The following MYOM3 variants were observed in gnomAD, a reference collection of about 807,000 sequenced individuals.
The protein encoded by MYOM3 is myomesin 3, also known as myomesin-3.
In MYOM3, 155 loss-of-function variants were observed where a neutral mutation model predicts 191.7. That is an observed-to-expected ratio of 0.81 (90% CI 0.71 to 0.92). The LOEUF is 0.92. MYOM3 is among the 40% of genes least tolerant of loss of function. The pLI is 0.00. For missense variants in MYOM3, 1,889 were observed against 1,890.6 expected (o/e 1.00, Z 0.02); for synonymous variants, 757 against 762.9 (o/e 0.99, Z 0.13).
intron 15 of MYOM3, 105 bp from the exon 16 acceptor site, chr1:24,084,744 C>G (rs1421312893): frequency 2.9e-6 from 3 of 1,039,268 alleles, no homozygotes; most frequent in African/African-American, 3.2e-5. Context: ...GCTCCCACAG[C>G]AATCAAGGTG....
chr1:24,067,230 G>A (rs1643448282), intron 27 of MYOM3, 142 bp from the exon 28 acceptor site: 2 of 693,758 alleles, frequency 2.9e-6, no homozygotes, highest in Admixed American at 2.7e-5. Context: ...CTGGGACTGG[G>A]GTGAGGCAGG....
rs1570861324 is a variant in MYOM3 at position 24,072,536 on chromosome 1, G to GT, written c.2969-524dup. ...TGCTGACCGTTTCTTCTTCTTGTTC[G>GT]TTTTTTCTTTTTTTTGAGACAGAGT... On this transcript the variant is annotated intron_variant, in intron 23 of 36. Coordinates refer to ENST00000374434, the MANE Select transcript of MYOM3 (RefSeq NM_152372.4). Among the ~76,000 whole-genome samples the GT allele has an allele frequency of 3.9e-5, 6 of 151,926 alleles. No homozygotes were observed. The East Asian group carries it at 9.7e-4, about 25-fold the overall frequency.
At chr1:24,103,956 AT>A (rs1034876924) in intron 5 of MYOM3, among the ~76,000 whole-genome samples, 1 of 152,090 alleles carries the variant, frequency 6.6e-6, no homozygotes, top group Non-Finnish European at 1.5e-5. Flanking sequence ...TGATTCTTTA[AT>A]TATCCCACAG....
intron 21 of MYOM3, 48 bp from the exon 22 acceptor site, chr1:24,075,523 A>C: frequency 6.7e-7 from 1 of 1,500,616 alleles, no homozygotes; most frequent in Admixed American, 2.3e-5. Context: ...TGCATAATAA[A>C]CCAGGTCACA....
At position 24,092,972 on chromosome 1, in the gene MYOM3, T is replaced by C. The variant is rs752125642; in HGVS notation, c.1065A>G (p.Glu355=). 1.2e-6 allele frequency: 2 copies of C among 1,601,958 alleles called. No homozygotes were observed. Among genetic ancestry groups the C allele is most frequent in the Admixed American group, 3.5e-5 (2 of 57,616 alleles). The change falls in exon 10 of 37, where the codon GAA becomes GAG. Residue 355 remains glutamate (E), a synonymous_variant. Coordinates refer to ENST00000374434, the MANE Select transcript of MYOM3 (RefSeq NM_152372.4). ...CTCTCACAAGCACGTAGGTGCTCTG[T>C]TCCCGGGGTCCGAAGGGCGAGGGCA... ...VRVPSPFGPR[E]QSTYVLVRDA...
intron 35 of MYOM3, 62 bp from the exon 36 acceptor site, chr1:24,059,041 T>G: frequency 8.3e-7 from 1 of 1,206,708 alleles, no homozygotes; most frequent in Non-Finnish European, 1.2e-6. Flanking sequence ...TCCCAGAAGT[T>G]TCATAGAGTT....
Position 24,072,160 on chromosome 1 carries a change from T to C in MYOM3, c.2969-147A>G, listed in dbSNP as rs1643540074. 1.6e-5 allele frequency: 12 copies of C among 755,888 alleles called. 1 individual carries two copies. Among genetic ancestry groups the C allele is most frequent in the South Asian group, 4.6e-5 (3 of 65,190 alleles). 46.8% of individuals were successfully genotyped at this position (755,888 alleles called of 1,614,324 possible). The stretch of plus-strand genomic sequence containing the variant: ...CCGACCTTGGGGTTCCTTGGCTCCA[T>C]AGGGGCCATGATGAGTACTGTGAGC... On this transcript the variant is annotated intron_variant, in intron 23 of 36. Transcript: ENST00000374434.
chr1:24,098,611 C>T (rs146375374), intron 6 of MYOM3, among the ~76,000 whole-genome samples: 2 of 152,328 alleles, frequency 1.3e-5, no homozygotes, highest in African/African-American at 4.8e-5. Flanking sequence ...CATTAGCAAG[C>T]AGAGGCCCCT....
At chr1:24,110,416 G>T (rs1413434793) in intron 1 of MYOM3, among the ~76,000 whole-genome samples, 1 of 152,062 alleles carries the variant, frequency 6.6e-6, no homozygotes, top group African/African-American at 2.4e-5. Flanking sequence ...GCCTGGATGT[G>T]AACACAGCAC....
At chr1:24,061,142 CAGGTGGAGGTGAGGGGTGATGAAGGAA>C (rs1157456840) in intron 34 of MYOM3, 60 bp from the exon 35 acceptor site, 11 of 1,611,322 alleles carry the variant, frequency 6.8e-6, no homozygotes, top group Non-Finnish European at 9.3e-6. Context: ...CAGTCCAGCC[CAGGTGGAGGTGAGGGGTGATGAAGGAA>C]AGGTGGAGCT....
intron 21 of MYOM3, 77 bp from the exon 22 acceptor site, chr1:24,075,552 C>T: frequency 7.0e-7 from 1 of 1,419,734 alleles, no homozygotes; most frequent in Non-Finnish European, 9.4e-7. Context: ...CTGCTTAAAC[C>T]TCCAGGGCCT....
rs1643398636 is a variant in MYOM3 at position 24,063,555 on chromosome 1, T to G, written c.3623-25A>C. The stretch of plus-strand genomic sequence containing the variant: ...GCTGGCGGGAAACAGAGAGAAGGGT[T>G]AGCTGGCATAGGGCTCCCCTAGGGA... On this transcript the variant is annotated intron_variant, in intron 30 of 36. Transcript: ENST00000374434. The surrounding 1 kb of genome is among the most constrained non-coding windows in gnomAD (Gnocchi z 4.5). The G allele has an allele frequency of 6.2e-7, 1 of 1,613,920 alleles. No homozygotes were observed. Among genetic ancestry groups the G allele is most frequent in the African/African-American group, 1.3e-5 (1 of 74,990 alleles).
chr1:24,061,245 C>A (rs773683841), intron 34 of MYOM3, 28 bp downstream of exon 34: 2 of 1,613,852 alleles, frequency 1.2e-6, no homozygotes, highest in South Asian at 1.1e-5. Flanking sequence ...GCCTATAATT[C>A]ACACTGAGAA....
chr1:24,083,752 G>C (rs4649179), intron 16 of MYOM3: 61,629 of 152,194 alleles, frequency 0.4, 12,782 homozygotes, highest in East Asian at 0.43. Flanking sequence ...TATCCATGGA[G>C]TCCTGCAAAT....
intron 20 of MYOM3, among the ~76,000 whole-genome samples, chr1:24,077,734 G>C (rs1643619253): frequency 6.6e-6 from 1 of 152,226 alleles, no homozygotes; most frequent in South Asian, 2.1e-4. Context: ...CAGGTGTGAA[G>C]AAATGTTTAG....
chr1:24,093,473 T>G (rs1377308823), intron 9 of MYOM3, among the ~76,000 whole-genome samples: 1 of 151,286 alleles, frequency 6.6e-6, no homozygotes, highest in Non-Finnish European at 1.5e-5. Context: ...GAGGGCCCGT[T>G]TGGGGGAGGT....
intron 11 of MYOM3, among the ~76,000 whole-genome samples, 157 bp downstream of exon 11, chr1:24,092,017 C>A (rs1267812854): frequency 6.6e-6 from 1 of 152,188 alleles, no homozygotes; most frequent in East Asian, 1.9e-4. Flanking sequence ...TCCATTGCCC[C>A]TAAATGACAC....
At position 24,079,693 on chromosome 1, in the gene MYOM3, G is replaced by C. The variant is rs78467047; in HGVS notation, c.2586+323C>G. The stretch of plus-strand genomic sequence containing the variant: ...CATCCTTGTCCTTAGATCTTTGCAC[G>C]TTTGCCTAATTACCTGTCTATAATT... On this transcript the variant is annotated intron_variant, in intron 20 of 36. Transcript: ENST00000374434. Among the ~76,000 whole-genome samples the C allele has an allele frequency of 2.6e-3, 397 of 152,266 alleles. 2 individuals are homozygous for C. The highest frequency in any genetic ancestry group is 8.9e-3 in the African/African-American group (371 of 41,536).
At chr1:24,095,029 G>C in intron 8 of MYOM3, 39 bp from the exon 9 acceptor site, 1 of 1,598,968 alleles carries the variant, frequency 6.3e-7, no homozygotes, top group Admixed American at 1.7e-5. Flanking sequence ...AGTTTTTGAG[G>C]CAGCCAGCCT....
Sources: allele counts gnomAD v4.1 joint callset (sites outside exome capture counted in the v4.1 genomes callset), GRCh38; gene constraint gnomAD v4.1.1; non-coding constraint Gnocchi (gnomAD v3.1); transcripts MANE v1.5; gene names NCBI Gene and HGNC (gene_info 2026-07-23, HGNC 2026-07-21).